The following NF1 variants were observed in gnomAD, a reference collection of about 807,000 sequenced individuals.
The protein encoded by NF1 is neurofibromin 1.
In NF1, 122 loss-of-function variants were observed where a neutral mutation model predicts 325.7. That is an observed-to-expected ratio of 0.37 (90% CI 0.32 to 0.44). NF1 has a LOEUF of 0.44. Ranked by LOEUF, NF1 falls within the 20% of genes least tolerant of loss-of-function variation. The pLI, the probability that NF1 is intolerant of heterozygous loss-of-function variation, is 1.00. For missense variants in NF1, 2,140 were observed against 3,415.4 expected (o/e 0.63, Z 9.31); for synonymous variants, 1,091 against 1,186.0 (o/e 0.92, Z 1.65).
chr17:31,179,521 C>A (rs2066086108), intron 5 of NF1, among the ~76,000 whole-genome samples: 2 of 152,112 alleles, frequency 1.3e-5, no homozygotes, highest in African/African-American at 4.8e-5. Flanking sequence ...CAGAGCAGAA[C>A]TGAAGGAGAT....
At chr17:31,299,992 AAAT>A (rs2068542006) in intron 36 of NF1, among the ~76,000 whole-genome samples, 2 of 152,210 alleles carry the variant, frequency 1.3e-5, no homozygotes, top group South Asian at 2.1e-4. Flanking sequence ...AATAATTTCA[AAAT>A]AATACCAGTA....
intron 46 of NF1, among the ~76,000 whole-genome samples, chr17:31,340,059 G>C (rs1030271266): frequency 4.6e-5 from 7 of 152,296 alleles, no homozygotes; most frequent in African/African-American, 1.4e-4. Context: ...TTTTTAAGCA[G>C]ACAAGTCATA....
intron 48 of NF1, chr17:31,345,919 G>A: frequency 6.3e-7 from 1 of 1,599,670 alleles, no homozygotes; most frequent in East Asian, 2.2e-5. Context: ...CCTAGCGGAA[G>A]GGTATATAAC....
chr17:31,124,893 G>GC (rs1349965035), intron 1 of NF1, among the ~76,000 whole-genome samples: 1 of 151,022 alleles, frequency 6.6e-6, no homozygotes, highest in African/African-American at 2.4e-5. Context: ...GAGCCACCGT[G>GC]CCTGGCCTTG....
chr17:31,225,926 G>C (rs2067004316), intron 17 of NF1, among the ~76,000 whole-genome samples: 1 of 152,112 alleles, frequency 6.6e-6, no homozygotes, highest in African/African-American at 2.4e-5. Flanking sequence ...AAGTAATTCA[G>C]AATCAAATGT....
At chr17:31,186,731 A>T (rs2066246345) in intron 8 of NF1, among the ~76,000 whole-genome samples, 1 of 152,228 alleles carries the variant, frequency 6.6e-6, no homozygotes, top group Non-Finnish European at 1.5e-5. Flanking sequence ...GATGCCACTT[A>T]GCCTCTTTCC....
intron 1 of NF1, among the ~76,000 whole-genome samples, chr17:31,121,873 A>G (rs1169665440): frequency 6.6e-6 from 1 of 152,200 alleles, no homozygotes; most frequent in African/African-American, 2.4e-5. Flanking sequence ...TTTTCTGGGA[A>G]GAATTTACTT....
intron 36 of NF1, among the ~76,000 whole-genome samples, chr17:31,289,439 A>G (rs1185606749): frequency 6.6e-6 from 1 of 152,212 alleles, no homozygotes; most frequent in Non-Finnish European, 1.5e-5. Context: ...TAGATGCCCT[A>G]GACAAACATT....
chr17:31,330,179 A>C, intron 38 of NF1, 117 bp from the exon 39 acceptor site: 1 of 879,922 alleles, frequency 1.1e-6, no homozygotes, highest in South Asian at 1.5e-5. Flanking sequence ...TGATCATAAA[A>C]TTTAAAAATA....
At chr17:31,218,083 G>C (rs2066854225) in intron 13 of NF1, among the ~76,000 whole-genome samples, 1 of 152,176 alleles carries the variant, frequency 6.6e-6, no homozygotes. Flanking sequence ...TTTGTTACCA[G>C]CTGTGTGGAT....
At chr17:31,146,026 A>G (rs1349109841) in intron 1 of NF1, among the ~76,000 whole-genome samples, 1 of 152,198 alleles carries the variant, frequency 6.6e-6, no homozygotes, top group Non-Finnish European at 1.5e-5. Flanking sequence ...CTAGTTTTCT[A>G]TTGCTGTGTA....
chr17:31,150,672 A>C lies in NF1; in HGVS notation c.61-5311A>C, dbSNP rs1046041327. On this transcript the variant is annotated intron_variant, in intron 1 of 57. Transcript: ENST00000358273. The stretch of plus-strand genomic sequence containing the variant: ...TTGTATTGTATCTATATTATCAAGT[A>C]CATAAAGCAGTCACCTAATATACTT... Among the ~76,000 whole-genome samples, 12 of 152,298 alleles carry C rather than the reference A, an allele frequency of 7.9e-5. 1 individual carries two copies. Among genetic ancestry groups the C allele is most frequent in the Admixed American group, 7.8e-4 (12 of 15,298 alleles).
At chr17:31,215,802 C>A (rs778729627) in intron 13 of NF1, among the ~76,000 whole-genome samples, 1 of 152,100 alleles carries the variant, frequency 6.6e-6, no homozygotes, top group Non-Finnish European at 1.5e-5. Flanking sequence ...AAGGTGCTTT[C>A]GATTTTGGTG....
rs1597629679 is a variant in NF1 at position 31,159,008 on chromosome 17, A to C, written c.205-2A>C. The C allele has an allele frequency of 1.9e-6, 3 of 1,543,590 alleles. No homozygotes were observed. Among genetic ancestry groups the C allele is most frequent in the African/African-American group, 1.4e-5 (1 of 73,632 alleles). ...TTATGTTCTGAATATCTTTTCTGTT[A>C]GAGAATATTTGGAGAAGCTGCTGAA... On this transcript the variant is annotated splice_acceptor_variant, in intron 2 of 57. Transcript: ENST00000358273. LOFTEE classifies it high-confidence loss of function.
intron 6 of NF1, 83 bp downstream of exon 6, chr17:31,181,572 G>T: frequency 7.2e-7 from 1 of 1,382,186 alleles, no homozygotes; most frequent in South Asian, 1.2e-5. Flanking sequence ...AAAAAGTTAT[G>T]ACTTGAGTGA....
chr17:31,319,508 AAG>A (rs1189832074), intron 36 of NF1, among the ~76,000 whole-genome samples: 1 of 152,088 alleles, frequency 6.6e-6, no homozygotes, highest in African/African-American at 2.4e-5. Flanking sequence ...TTTTGGTGGA[AAG>A]AGGGGAAGTT....
chr17:31,137,832 A>G (rs1915888351), intron 1 of NF1: 1 of 152,152 alleles, frequency 6.6e-6, no homozygotes, highest in South Asian at 2.1e-4. Context: ...TTAAGTTCTA[A>G]TATGAAATAA....
At position 31,233,232 on chromosome 17, in the gene NF1, CG is replaced by C; in HGVS notation, c.3708+23del. 6.2e-7 allele frequency: 1 copy of C among 1,607,030 alleles called. No homozygotes were observed. The highest frequency in any genetic ancestry group is 2.2e-5 in the East Asian group (1 of 44,838). ...TCAGTGGGTAAGTGATTAGAGTAAG[CG>C]GGGAAGAAAAGTGCCTGGCACATAG... is the stretch of plus-strand genomic sequence containing the variant. On this transcript the variant is annotated intron_variant, in intron 27 of 57. Coordinates refer to ENST00000358273, the MANE Select transcript of NF1 (RefSeq NM_001042492.3).
At chr17:31,225,383 T>C (rs563807734) in intron 17 of NF1, 133 bp downstream of exon 17, 2 of 1,002,468 alleles carry the variant, frequency 2.0e-6, no homozygotes, top group Non-Finnish European at 3.0e-6. Flanking sequence ...CTATTACTGC[T>C]CTTTGTGGAA....
Sources: allele counts gnomAD v4.1 joint callset (sites outside exome capture counted in the v4.1 genomes callset), GRCh38; gene constraint gnomAD v4.1.1; transcripts MANE v1.5; gene names NCBI Gene and HGNC (gene_info 2026-07-23, HGNC 2026-07-21).